The following PLD5 variants were observed in gnomAD, a reference collection of about 807,000 sequenced individuals.
PLD5 encodes the protein inactive phospholipase D5.
A neutral mutation model predicts 61.1 loss-of-function variants in PLD5; 36 were observed. The ratio of observed to expected loss-of-function variants is 0.59; its 90% confidence interval spans 0.45 to 0.78. The LOEUF is 0.78. PLD5 is among the 30% of genes least tolerant of loss of function. PLD5 has a pLI of 0.00. For synonymous variants in PLD5, 243 were observed against 242.8 expected (o/e 1.00, Z -0.01); for missense variants, 515 against 644.4 (o/e 0.80, Z 2.17).
intron 5 of PLD5, among the ~76,000 whole-genome samples, chr1:242,183,624 G>A (rs1667661374): frequency 1.3e-5 from 2 of 152,144 alleles, no homozygotes; most frequent in South Asian, 2.1e-4. Flanking sequence ...GGCCGGGCGC[G>A]GTGGCTCACG....
At chr1:242,139,162 G>A (rs549736986) in intron 5 of PLD5, among the ~76,000 whole-genome samples, 6 of 151,940 alleles carry the variant, frequency 3.9e-5, no homozygotes, top group African/African-American at 1.5e-4. Context: ...GTAACCCCAG[G>A]TCTGCCTGCA....
intron 3 of PLD5, among the ~76,000 whole-genome samples, chr1:242,282,652 G>C (rs1674777916): frequency 6.6e-6 from 1 of 151,992 alleles, no homozygotes; most frequent in Non-Finnish European, 1.5e-5. Context: ...TCCTCACAGT[G>C]AATTCATAGA....
intron 1 of PLD5, among the ~76,000 whole-genome samples, chr1:242,355,413 A>T (rs1356571892): frequency 2.0e-5 from 3 of 152,152 alleles, no homozygotes; most frequent in Non-Finnish European, 4.4e-5. Context: ...ATAATAGTTC[A>T]TAATAGTTTC....
In PLD5 at chr1:242,287,758, G is replaced by A. The variant is rs188488627; in HGVS notation, c.495+604C>T. Among the ~76,000 whole-genome samples, 273 of 152,266 alleles carry A rather than the reference G, an allele frequency of 1.8e-3. 1 individual carries two copies. The highest frequency in any genetic ancestry group is 6.2e-3 in the African/African-American group (259 of 41,534). On this transcript the variant is annotated intron_variant, in intron 3 of 9. Transcript: ENST00000536534. ...CACCAGCACCATTTTCTTACACCCA[G>A]AGCATTTTATTCAGAAATTGTTTAG...
intron 1 of PLD5, among the ~76,000 whole-genome samples, chr1:242,353,481 G>T (rs1292761085): frequency 1.3e-5 from 2 of 152,074 alleles, no homozygotes; most frequent in Non-Finnish European, 2.9e-5. Context: ...TGCTCCTTTT[G>T]CTAATGATTG....
intron 2 of PLD5, among the ~76,000 whole-genome samples, chr1:242,305,869 C>T (rs979903274): frequency 2.6e-5 from 4 of 152,112 alleles, no homozygotes; most frequent in African/African-American, 9.7e-5. Flanking sequence ...AAATCCTGAG[C>T]TGTTGAAGAG....
chr1:242,159,823 G>T (rs953500141), intron 5 of PLD5, among the ~76,000 whole-genome samples: 1 of 152,100 alleles, frequency 6.6e-6, no homozygotes, highest in African/African-American at 2.4e-5. Context: ...TTATGCAATG[G>T]AGATGGCTTT....
rs549891516 is a variant in PLD5 at position 242,425,792 on chromosome 1, G to A, written c.190-77550C>T. Among the ~76,000 whole-genome samples the A allele has an allele frequency of 4.0e-3, 614 of 151,812 alleles. 5 individuals are homozygous for A. Among genetic ancestry groups the A allele is most frequent in the African/African-American group, 0.014 (574 of 41,394 alleles). On this transcript the variant is annotated intron_variant, in intron 1 of 9. Transcript: ENST00000536534. Reference sequence around the variant, plus strand: ...TGAGTAGCTGGGACTACAGGTGCCCGCCACCACACCTGACTAATTTTTTTG... The same window carrying A: ...TGAGTAGCTGGGACTACAGGTGCCCACCACCACACCTGACTAATTTTTTTG...
chr1:242,433,690 T>A (rs1665843893), intron 1 of PLD5, among the ~76,000 whole-genome samples: 1 of 152,204 alleles, frequency 6.6e-6, no homozygotes, highest in South Asian at 2.1e-4. Context: ...AATAAATATG[T>A]ACTATGTCCG....
chr1:242,188,446 A>G (rs1022458826), intron 5 of PLD5, among the ~76,000 whole-genome samples: 1 of 152,218 alleles, frequency 6.6e-6, no homozygotes, highest in Admixed American at 6.5e-5. Flanking sequence ...TGGATAAGAC[A>G]TCATTGGCAC....
chr1:242,483,643 A>G (rs1047974176), intron 1 of PLD5, among the ~76,000 whole-genome samples: 36 of 152,332 alleles, frequency 2.4e-4, no homozygotes, highest in African/African-American at 8.7e-4. Context: ...AACATTAGAC[A>G]GATCAACGAG....
chr1:242,293,140 T>C (rs930381089), intron 2 of PLD5, among the ~76,000 whole-genome samples: 2 of 152,202 alleles, frequency 1.3e-5, no homozygotes, highest in African/African-American at 4.8e-5. Context: ...GAGAGATTTC[T>C]TTAAAAAAGA....
At chr1:242,457,737 C>T (rs1666987068) in intron 1 of PLD5, among the ~76,000 whole-genome samples, 1 of 152,198 alleles carries the variant, frequency 6.6e-6, no homozygotes, top group Non-Finnish European at 1.5e-5. Flanking sequence ...AACAACTTGT[C>T]TCCAGCGATC....
At chr1:242,389,629 G>A (rs1018945267) in intron 1 of PLD5, among the ~76,000 whole-genome samples, 1 of 151,814 alleles carries the variant, frequency 6.6e-6, no homozygotes, top group African/African-American at 2.4e-5. Context: ...AAATAAATAT[G>A]CCACTTAGAA....
At position 242,176,586 on chromosome 1, in the gene PLD5, G is replaced by A. The variant is rs1276616194; in HGVS notation, c.735+43402C>T. Among the ~76,000 whole-genome samples the A allele has an allele frequency of 5.9e-5, 9 of 152,186 alleles. No individual in the cohort carries two copies. In the South Asian group the frequency reaches 1.2e-3, roughly 21 times the overall value. On this transcript the variant is annotated intron_variant, in intron 5 of 9. Coordinates refer to ENST00000536534, the MANE Select transcript of PLD5 (RefSeq NM_001372062.1). ...GAAACAAAGCCAAATTTGACAAATG[G>A]GACTTAATTACACTAAAGAGCTTCT...
At chr1:242,342,805 T>C (rs1381517437) in intron 2 of PLD5, among the ~76,000 whole-genome samples, 1 of 152,124 alleles carries the variant, frequency 6.6e-6, no homozygotes, top group Non-Finnish European at 1.5e-5. Flanking sequence ...GCATTACAAC[T>C]GAGGCTCATT....
chr1:242,320,033 T>C (rs1445800284), intron 2 of PLD5, among the ~76,000 whole-genome samples: 1 of 152,222 alleles, frequency 6.6e-6, no homozygotes, highest in African/African-American at 2.4e-5. Context: ...GACCACAGAT[T>C]TTTCCTATGA....
At chr1:242,107,385 C>T (rs992395648) in intron 8 of PLD5, among the ~76,000 whole-genome samples, 3 of 151,622 alleles carry the variant, frequency 2.0e-5, no homozygotes, top group Non-Finnish European at 4.4e-5. Flanking sequence ...GCACTCCAGC[C>T]TGGGTGACAG....
chr1:242,114,723 G>A (rs867789214), intron 6 of PLD5, among the ~76,000 whole-genome samples: 2 of 152,110 alleles, frequency 1.3e-5, no homozygotes, highest in Admixed American at 6.5e-5. Flanking sequence ...TTGTGTGATC[G>A]CCTTATGAGA....
Sources: gnomAD v4.1 joint callset for allele counts (sites outside exome capture counted in the v4.1 genomes callset) on GRCh38, gnomAD v4.1.1 for gene constraint, MANE v1.5 for transcripts, NCBI Gene and HGNC (gene_info 2026-07-23, HGNC 2026-07-21) for gene names.